The following AKT3 variants were observed in gnomAD, a reference collection of about 807,000 sequenced individuals.
The protein encoded by AKT3 is RAC-gamma serine/threonine-protein kinase.
In AKT3, 15 loss-of-function variants were observed where a neutral mutation model predicts 65.3. The observed-to-expected ratio is 0.23, with a 90% CI of 0.15 to 0.35. The LOEUF (loss-of-function observed/expected upper bound fraction) is 0.35, where lower values mean the gene tolerates loss of function less well. Among genes scored for constraint, AKT3 ranks in the 10% least tolerant of loss-of-function variants. AKT3 has a pLI of 1.00. For synonymous variants in AKT3, 206 were observed against 183.8 expected (o/e 1.12, Z -0.98); for missense variants, 243 against 576.5 (o/e 0.42, Z 5.92).
intron 2 of AKT3, among the ~76,000 whole-genome samples, chr1:243,718,842 T>C (rs1001617714): frequency 2.6e-5 from 4 of 152,196 alleles, no homozygotes; most frequent in African/African-American, 9.6e-5. Context: ...AAATATTCTA[T>C]CCAATATTTT....
At chr1:243,809,127 C>T (rs1429384923) in intron 2 of AKT3, among the ~76,000 whole-genome samples, 9 of 152,102 alleles carry the variant, frequency 5.9e-5, no homozygotes, top group African/African-American at 1.7e-4. Flanking sequence ...TATCAACTAA[C>T]GAGCAAAATA....
At chr1:243,522,102 T>C (rs1670754862) in intron 12 of AKT3, among the ~76,000 whole-genome samples, 1 of 152,164 alleles carries the variant, frequency 6.6e-6, no homozygotes, top group South Asian at 2.1e-4. Flanking sequence ...ACAAAAAGAT[T>C]TTGCACCTAG....
chr1:243,540,160 T>C (rs1051723187), intron 12 of AKT3, among the ~76,000 whole-genome samples: 26 of 152,120 alleles, frequency 1.7e-4, no homozygotes, highest in African/African-American at 5.3e-4. Flanking sequence ...GAAGATGACA[T>C]AGTAATATCA....
rs537932695 is a variant in AKT3, at chr1:243,713,535, T to C, written c.47-17819A>G. Among the ~76,000 whole-genome samples, 10 of 152,088 alleles carry C rather than the reference T, an allele frequency of 6.6e-5. No individual in the cohort carries two copies. In the East Asian group the frequency reaches 1.7e-3, roughly 26 times the overall value. On this transcript the variant is annotated intron_variant, in intron 2 of 13. Coordinates refer to ENST00000673466, the MANE Select transcript of AKT3 (RefSeq NM_005465.7). ...TTCGACATCTGCACATGTTTATGCG[T>C]CTCTCCAAACAACCTCTTGAACACC...
At chr1:243,634,148 C>T (rs1165452647) in intron 6 of AKT3, among the ~76,000 whole-genome samples, 1 of 152,034 alleles carries the variant, frequency 6.6e-6, no homozygotes, top group Non-Finnish European at 1.5e-5. Flanking sequence ...TGCACATCTT[C>T]CCATATACTT....
chr1:243,720,901 T>C (rs1686854808), intron 2 of AKT3, among the ~76,000 whole-genome samples: 1 of 152,104 alleles, frequency 6.6e-6, no homozygotes, highest in African/African-American at 2.4e-5. Flanking sequence ...TACTGGCAAA[T>C]AGGGCTAATG....
chr1:243,816,705 G>C (rs1288917706), intron 2 of AKT3, among the ~76,000 whole-genome samples: 2 of 152,042 alleles, frequency 1.3e-5, no homozygotes, highest in Admixed American at 6.6e-5. Context: ...ATAGAAATCT[G>C]AATCAGTGAA....
intron 9 of AKT3, among the ~76,000 whole-genome samples, chr1:243,570,361 T>C (rs1674471912): frequency 6.6e-6 from 1 of 152,208 alleles, no homozygotes; most frequent in Admixed American, 6.5e-5. Context: ...CTTTAATACA[T>C]CTGGTATAAA....
intron 12 of AKT3, among the ~76,000 whole-genome samples, chr1:243,514,316 A>G (rs1670205922): frequency 2.6e-5 from 4 of 152,176 alleles, no homozygotes; most frequent in Admixed American, 2.6e-4. Context: ...TGAGAGAATG[A>G]TGACCTGTAA....
At chr1:243,756,354 A>G (rs547701577) in intron 2 of AKT3, among the ~76,000 whole-genome samples, 53 of 152,316 alleles carry the variant, frequency 3.5e-4, no homozygotes, top group Non-Finnish European at 5.9e-4. Flanking sequence ...TCCAGGGCTG[A>G]AGCAGGGATA....
intron 2 of AKT3, among the ~76,000 whole-genome samples, chr1:243,704,209 AC>A (rs1685648448): frequency 1.3e-5 from 2 of 152,342 alleles, no homozygotes; most frequent in African/African-American, 4.8e-5. Context: ...GCCACTTTAA[AC>A]ATCTTTACTT....
chr1:243,544,986 C>A (rs1672564978), intron 12 of AKT3, among the ~76,000 whole-genome samples: 1 of 152,016 alleles, frequency 6.6e-6, no homozygotes, highest in Admixed American at 6.6e-5. Flanking sequence ...GCATGAGCCA[C>A]CATGCCTGGC....
chr1:243,715,188 T>C (rs769117319), intron 2 of AKT3, among the ~76,000 whole-genome samples: 1 of 152,014 alleles, frequency 6.6e-6, no homozygotes, highest in Non-Finnish European at 1.5e-5. Flanking sequence ...CCCAGGAAAT[T>C]GGGCATAATT....
intron 8 of AKT3, among the ~76,000 whole-genome samples, chr1:243,579,384 G>A (rs1675172682): frequency 6.6e-6 from 1 of 151,992 alleles, no homozygotes; most frequent in African/African-American, 2.4e-5. Flanking sequence ...CTATACATAG[G>A]ACAGAAAAAA....
chr1:243,823,469 G>A (rs957060520), intron 2 of AKT3, among the ~76,000 whole-genome samples: 6 of 152,192 alleles, frequency 3.9e-5, no homozygotes, highest in African/African-American at 1.4e-4. Context: ...CAGGAAGAGA[G>A]GAAGTCAAAC....
At chr1:243,721,995 T>C (rs560852832) in intron 2 of AKT3, among the ~76,000 whole-genome samples, 31 of 152,258 alleles carry the variant, frequency 2.0e-4, no homozygotes, top group African/African-American at 7.5e-4. Flanking sequence ...TTTCTACATA[T>C]TATATAACAA....
At chr1:243,598,173 C>T (rs1676757942) in intron 8 of AKT3, among the ~76,000 whole-genome samples, 1 of 151,544 alleles carries the variant, frequency 6.6e-6, no homozygotes, top group Non-Finnish European at 1.5e-5. Flanking sequence ...ATATGTATTG[C>T]AAAAAATAAA....
intron 2 of AKT3, among the ~76,000 whole-genome samples, chr1:243,790,009 C>T (rs559310270): frequency 2.0e-4 from 30 of 152,174 alleles, no homozygotes; most frequent in Non-Finnish European, 3.5e-4. Flanking sequence ...TCCAGGCTCT[C>T]TTTTTCCACT....
At chr1:243,825,470 G>A (rs1378204838) in intron 2 of AKT3, among the ~76,000 whole-genome samples, 1 of 152,092 alleles carries the variant, frequency 6.6e-6, no homozygotes, top group East Asian at 1.9e-4. Context: ...AGTGACAGAG[G>A]AATAAGAAAA....
Sources: gnomAD v4.1 joint callset for allele counts (sites outside exome capture counted in the v4.1 genomes callset) on GRCh38, gnomAD v4.1.1 for gene constraint, MANE v1.5 for transcripts, NCBI Gene and HGNC (gene_info 2026-07-23, HGNC 2026-07-21) for gene names.